The following SBF2 variants were observed in gnomAD, a reference collection of about 807,000 sequenced individuals.
The protein encoded by SBF2 is SET binding factor 2.
A neutral mutation model predicts 225.2 loss-of-function variants in SBF2; 112 were observed. The ratio of observed to expected loss-of-function variants is 0.50; its 90% CI spans 0.43 to 0.58. The LOEUF (loss-of-function observed/expected upper bound fraction) is 0.58, where lower values mean the gene tolerates loss of function less well. Ranked by LOEUF, SBF2 falls within the 20% of genes least tolerant of loss-of-function variation. SBF2 has a pLI of 0.00. For synonymous variants in SBF2, 763 were observed against 773.3 expected (o/e 0.99, Z 0.22); for missense variants, 1,996 against 2,206.2 (o/e 0.90, Z 1.91).
In SBF2 at chr11:10,128,259, T is replaced by C. The variant is rs79997317; in HGVS notation, c.141+65643A>G. Among the ~76,000 whole-genome samples, 3 of 152,342 alleles carry C rather than the reference T, an allele frequency of 2.0e-5. No individual in the cohort carries two copies. The East Asian group carries it at 5.8e-4, about 29-fold the overall frequency. ...TACACTACCTTCACGAAGTCAGGCA[T>C]TGTATCAGTTTTACCTACTACCATA... On this transcript the variant is annotated intron_variant, in intron 2 of 39. Coordinates refer to ENST00000256190, the MANE Select transcript of SBF2 (RefSeq NM_030962.4).
chr11:9,896,041 T>C (rs545313716), intron 16 of SBF2, 30 bp from the exon 17 acceptor site: 14 of 1,545,234 alleles, frequency 9.1e-6, no homozygotes, highest in Middle Eastern at 3.4e-4. Flanking sequence ...AAAAGAGCAT[T>C]AGGATATTTA....
intron 1 of SBF2, among the ~76,000 whole-genome samples, chr11:10,228,138 A>G (rs1467895954): frequency 6.6e-6 from 1 of 152,080 alleles, no homozygotes; most frequent in African/African-American, 2.4e-5. Context: ...TTATTGGTGT[A>G]TAAGAATGTT....
At chr11:10,157,814 T>A (rs917988457) in intron 2 of SBF2, among the ~76,000 whole-genome samples, 1 of 152,158 alleles carries the variant, frequency 6.6e-6, no homozygotes, top group Non-Finnish European at 1.5e-5. Flanking sequence ...GCCAAAAAGG[T>A]TGGGGACCAC....
intron 2 of SBF2, among the ~76,000 whole-genome samples, chr11:10,095,787 T>G (rs11042623): frequency 0.21 from 31,545 of 152,172 alleles, 4,010 homozygotes; most frequent in Non-Finnish European, 0.3. Flanking sequence ...CACGTACTGA[T>G]TTTAATCACA....
chr11:9,984,622 T>C (rs1170350717), intron 13 of SBF2, among the ~76,000 whole-genome samples: 2 of 152,134 alleles, frequency 1.3e-5, no homozygotes, highest in African/African-American at 2.4e-5. Flanking sequence ...CCTAGGCACA[T>C]TGTCATCAGG....
intron 30 of SBF2, among the ~76,000 whole-genome samples, chr11:9,809,716 T>C (rs1003496596): frequency 2.0e-5 from 3 of 151,956 alleles, no homozygotes; most frequent in African/African-American, 7.3e-5. Flanking sequence ...GGCTAATTTT[T>C]TGTATTTTTA....
chr11:9,892,109 T>A (rs558156030), intron 17 of SBF2, among the ~76,000 whole-genome samples: 3 of 152,212 alleles, frequency 2.0e-5, no homozygotes, highest in East Asian at 1.9e-4. Flanking sequence ...ACGATACTTT[T>A]AAAAAAAATT....
intron 2 of SBF2, among the ~76,000 whole-genome samples, chr11:10,143,086 C>T (rs555054775): frequency 4.3e-4 from 65 of 152,262 alleles, no homozygotes; most frequent in Non-Finnish European, 6.5e-4. Flanking sequence ...CAATTCTACC[C>T]ACTTTGGTTA....
chr11:10,001,588 G>A (rs1002951714), intron 7 of SBF2, among the ~76,000 whole-genome samples: 4 of 151,470 alleles, frequency 2.6e-5, no homozygotes, highest in East Asian at 3.9e-4. Context: ...GTAGTGGTGC[G>A]ATCTCGGCTC....
chr11:9,974,960 C>CAAAAAAAAAAAAAAAA lies in SBF2; in HGVS notation c.1396-6431_1396-6416dup, dbSNP rs1166081188. On this transcript the variant is annotated intron_variant, in intron 13 of 39. Transcript: ENST00000256190. ...GGGCAACAACAGCGAAACTTTGACT[C>CAAAAAAAAAAAAAAAA]AAAAAAAAAAAAAAAAAAAAAAAAA... 2.5e-3 allele frequency among the ~76,000 whole-genome samples: 58 copies of CAAAAAAAAAAAAAAAA among 23,264 alleles called. 16 individuals are homozygous for CAAAAAAAAAAAAAAAA. The highest frequency in any genetic ancestry group is 3.8e-3 in the Non-Finnish European group (42 of 11,164). The allele number at this position is 23,264 out of a possible 152,430, so 15.3% of individuals were successfully genotyped here. A position where few individuals can be genotyped will look rare whatever the true frequency, so the allele number is the denominator to read the frequency against.
At chr11:10,218,952 A>G (rs7948215) in intron 1 of SBF2, among the ~76,000 whole-genome samples, 118,864 of 152,068 alleles carry the variant, frequency 0.78, 47,048 homozygotes, top group East Asian at 0.97. Context: ...ATGGGCTGCT[A>G]TTGAGTGTCT....
At chr11:10,158,647 A>G (rs1007990387) in intron 2 of SBF2, among the ~76,000 whole-genome samples, 4 of 152,232 alleles carry the variant, frequency 2.6e-5, no homozygotes, top group Non-Finnish European at 5.9e-5. Context: ...TGAGTAGATG[A>G]ATAATAAGCA....
intron 13 of SBF2, among the ~76,000 whole-genome samples, chr11:9,973,626 G>A (rs1046723376): frequency 9.9e-5 from 15 of 152,112 alleles, no homozygotes; most frequent in African/African-American, 3.1e-4. Context: ...ATGAAAAAGT[G>A]ACATATACAC....
intron 9 of SBF2, among the ~76,000 whole-genome samples, chr11:9,995,029 A>AAAAAAAATAAAAATTTTT: frequency 7.9e-6 from 1 of 126,748 alleles, no homozygotes; most frequent in Non-Finnish European, 1.7e-5. Flanking sequence ...AGTTATAACA[A>AAAAAAAATAAAAATTTTT]GACTCTGTCT....
At chr11:10,286,567 C>T (rs1963808196) in intron 1 of SBF2, among the ~76,000 whole-genome samples, 1 of 151,958 alleles carries the variant, frequency 6.6e-6, no homozygotes, top group Non-Finnish European at 1.5e-5. Context: ...ACCATGTTGG[C>T]CAGGATGGTC....
chr11:9,951,135 A>T (rs1271925874), intron 16 of SBF2, among the ~76,000 whole-genome samples: 1 of 152,126 alleles, frequency 6.6e-6, no homozygotes, highest in East Asian at 1.9e-4. Context: ...GAAAGGAAAG[A>T]TTGAGGGAGC....
chr11:10,229,697 T>C (rs1958742650), intron 1 of SBF2, among the ~76,000 whole-genome samples: 1 of 152,212 alleles, frequency 6.6e-6, no homozygotes, highest in Non-Finnish European at 1.5e-5. Context: ...ATAATTTCTG[T>C]TCTTTTACAT....
Position 9,990,186 on chromosome 11 carries a change from T to G in SBF2, c.1297-591A>C, listed in dbSNP as rs1206313679. Among the ~76,000 whole-genome samples the G allele has an allele frequency of 5.3e-5, 8 of 151,792 alleles. 1 individual carries two copies. The highest frequency in any genetic ancestry group is 5.2e-4 in the Admixed American group (8 of 15,250). On this transcript the variant is annotated intron_variant, in intron 12 of 39. Coordinates refer to ENST00000256190, the MANE Select transcript of SBF2 (RefSeq NM_030962.4). The stretch of plus-strand genomic sequence containing the variant: ...GAAGGCTGACAGAAAAAAAAAATTG[T>G]GGGGGGGTAAATAGATGGATGACAA...
chr11:9,998,156 C>T (rs1349542920), intron 9 of SBF2, 110 bp downstream of exon 9: 2 of 686,718 alleles, frequency 2.9e-6, no homozygotes, highest in East Asian at 2.7e-5. Context: ...AAATATATAG[C>T]TCTCTTTAAA....
Sources: gnomAD v4.1 joint callset for allele counts (sites outside exome capture counted in the v4.1 genomes callset) on GRCh38, gnomAD v4.1.1 for gene constraint, MANE v1.5 for transcripts, NCBI Gene and HGNC (gene_info 2026-07-23, HGNC 2026-07-21) for gene names.